UBFD1: variants seen among roughly 807,000 people sequenced by gnomAD.
UBFD1 encodes the protein ubiquitin family domain containing 1.
UBFD1 carries 12 observed loss-of-function variants against 35.1 expected under a neutral mutation model. The observed-to-expected ratio is 0.34, with a 90% CI of 0.22 to 0.55. UBFD1 has a LOEUF of 0.55. Among genes scored for constraint, UBFD1 ranks in the 20% least tolerant of loss-of-function variants. The probability of loss-of-function intolerance (pLI) is 0.89; values close to 1 mark genes in which losing one functional copy is unlikely to be tolerated. For missense variants in UBFD1, 337 were observed against 410.8 expected (o/e 0.82, Z 1.55); for synonymous variants, 178 against 167.6 (o/e 1.06, Z -0.48).
intron 4 of UBFD1, 44 bp downstream of exon 4, chr16:23,562,315 C>G (rs1408819814): frequency 1.3e-6 from 2 of 1,580,494 alleles, no homozygotes; most frequent in Non-Finnish European, 1.7e-6. Context: ...TGAGGCAGCC[C>G]CACCGTCTGA....
Position 23,572,284 on chromosome 16 carries a change from T to A in UBFD1, c.*1694T>A, listed in dbSNP as rs1297753037. ...TGCAGCATCCAAGAAACAGCCTGTT[T>A]TTTCATCCCTTGAGAAAGGAGCAGT... On this transcript the variant is annotated 3_prime_UTR_variant, in exon 7 of 7. Transcript: ENST00000395878. 1 of 152,402 alleles carries A rather than the reference T, an allele frequency of 6.6e-6. No homozygotes were observed. Among genetic ancestry groups the A allele is most frequent in the Non-Finnish European group, 1.5e-5 (1 of 68,036 alleles). The allele number at this position is 152,402 out of a possible 1,614,324, so 9.4% of individuals were successfully genotyped here. A position where few individuals can be genotyped will look rare whatever the true frequency, so the allele number is the denominator to read the frequency against.
chr16:23,559,282 AC>A, intron 2 of UBFD1, 185 bp from the exon 3 acceptor site: 1 of 563,426 alleles, frequency 1.8e-6, no homozygotes. Flanking sequence ...AGAAGGACTT[AC>A]TCTAATAAAT....
intron 3 of UBFD1, chr16:23,560,016 TG>T: frequency 3.8e-6 from 3 of 783,444 alleles, no homozygotes; most frequent in Non-Finnish European, 5.7e-6. Flanking sequence ...GCCCTCATTT[TG>T]TACAAGTGCT....
intron 6 of UBFD1, among the ~76,000 whole-genome samples, chr16:23,568,191 C>T (rs1022136065): frequency 8.7e-5 from 12 of 138,110 alleles, no homozygotes; most frequent in African/African-American, 2.5e-4. Context: ...GACGGAATCT[C>T]GCTCTGTCAC....
chr16:23,572,777 C>T lies in UBFD1; in HGVS notation c.*2187C>T, dbSNP rs1209214313. On this transcript the variant is annotated 3_prime_UTR_variant, in exon 7 of 7. Transcript: ENST00000395878. ...TAAAATGGTGCTTTTTTCCTTACTT[C>T]GAGATACTATATATAAATAATAATG... 3.3e-5 allele frequency: 5 copies of T among 153,028 alleles called. No homozygotes were observed. The highest frequency in any genetic ancestry group is 2.1e-4 in the South Asian group (1 of 4,826). The allele number at this position is 153,028 out of a possible 1,614,324, so 9.5% of individuals were successfully genotyped here. A position where few individuals can be genotyped will look rare whatever the true frequency, so the allele number is the denominator to read the frequency against.
intron 3 of UBFD1, chr16:23,561,969 C>T (rs1965941375): frequency 1.5e-5 from 6 of 408,660 alleles, no homozygotes; most frequent in Non-Finnish European, 2.6e-5. Context: ...AGCTGCATTT[C>T]AAGTGTGTAA....
rs1259432178 is a variant in UBFD1 at position 23,572,220 on chromosome 16, C to T, written c.*1630C>T. 6.6e-6 allele frequency: 1 copy of T among 152,640 alleles called. No homozygotes were observed. Among genetic ancestry groups the T allele is most frequent in the Non-Finnish European group, 1.5e-5 (1 of 68,042 alleles). 9.5% of individuals were successfully genotyped at this position (152,640 alleles called of 1,614,324 possible). A position where few individuals can be genotyped will look rare whatever the true frequency, so the allele number is the denominator to read the frequency against. On this transcript the variant is annotated 3_prime_UTR_variant, in exon 7 of 7. Coordinates refer to ENST00000395878, the MANE Select transcript of UBFD1 (RefSeq NM_019116.3). ...TGATGCATCTAGGCAGGAAAATCTA[C>T]TCTTTGCTTTTTTGGGGGCAATTAG...
intron 6 of UBFD1, among the ~76,000 whole-genome samples, 200 bp downstream of exon 6, chr16:23,567,269 C>T (rs961525804): frequency 6.6e-6 from 1 of 152,160 alleles, no homozygotes. Context: ...TTACACCCCC[C>T]CACACACACC....
chr16:23,557,804 C>T, intron 1 of UBFD1, 37 bp downstream of exon 1: 3 of 1,276,468 alleles, frequency 2.4e-6, no homozygotes, highest in African/African-American at 1.6e-5. Context: ...CGGGCCGGGG[C>T]TGAGGTTGCG....
chr16:23,571,301 G>A lies in UBFD1; in HGVS notation c.*711G>A, dbSNP rs141995378. On this transcript the variant is annotated 3_prime_UTR_variant, in exon 7 of 7. Coordinates refer to ENST00000395878, the MANE Select transcript of UBFD1 (RefSeq NM_019116.3). ...GGAAGAGCTGCTCAGTCTTGGGCAA[G>A]GAGCTCTCACACTTGCTGTGGTGTT... The A allele has an allele frequency of 2.0e-5, 3 of 152,792 alleles. No homozygotes were observed. The East Asian group carries it at 5.8e-4, about 29-fold the overall frequency. 9.5% of individuals were successfully genotyped at this position (152,792 alleles called of 1,614,324 possible). A position where few individuals can be genotyped will look rare whatever the true frequency, so the allele number is the denominator to read the frequency against.
rs770862634 is a variant in UBFD1, at chr16:23,559,407, G to T, written c.356-61G>T. The T allele has an allele frequency of 6.2e-6, 9 of 1,458,524 alleles. No homozygotes were observed. In the African/African-American group the frequency reaches 8.4e-5, roughly 14 times the overall value. 90.3% of individuals were successfully genotyped at this position (1,458,524 alleles called of 1,614,324 possible). A position where few individuals can be genotyped will look rare whatever the true frequency, so the allele number is the denominator to read the frequency against. ...TGGTCTGTTACCAAAGAGCTGTGTA[G>T]TATCCATACATTTTTCTGTCCTTCC... On this transcript the variant is annotated intron_variant, in intron 2 of 6. Transcript: ENST00000395878.
intron 6 of UBFD1, among the ~76,000 whole-genome samples, chr16:23,568,159 T>C (rs946427420): frequency 6.9e-6 from 1 of 144,668 alleles, no homozygotes; most frequent in East Asian, 2.0e-4. Context: ...TCTGTAGTCT[T>C]TTTTTTTTTT....
chr16:23,565,714 C>T (rs963954454), intron 5 of UBFD1: 2 of 152,168 alleles, frequency 1.3e-5, no homozygotes, highest in Admixed American at 1.3e-4. Flanking sequence ...CCCAGCTAGA[C>T]CAGAACGCTG....
At chr16:23,562,952 G>A (rs1222063076) in intron 5 of UBFD1, among the ~76,000 whole-genome samples, 1 of 152,218 alleles carries the variant, frequency 6.6e-6, no homozygotes, top group Non-Finnish European at 1.5e-5. Context: ...ACCAAACAGT[G>A]GCTCTTCAGT....
rs757325826 is a variant in UBFD1, at chr16:23,558,108, C to G, written c.184C>G (p.Pro62Ala). ...CCTGCAGCCGGCCCCGGCCCAGCCCCCTGGGGACCCCGCAGCCCAGGCCTC... is the reference window on the plus strand; with the variant it reads ...CCTGCAGCCGGCCCCGGCCCAGCCCGCTGGGGACCCCGCAGCCCAGGCCTC... ...GSLQPAPAQP[P>A]GDPAAQASVS... is the part of the protein sequence containing the mutation. Residue 62 changes from proline (P) to alanine (A), a missense_variant, in exon 2 of 7, where the codon CCT (proline) becomes GCT (alanine). Physicochemically the swap from Pro to Ala is conservative, Grantham distance 27. Coordinates refer to ENST00000395878, the MANE Select transcript of UBFD1 (RefSeq NM_019116.3). 9.5e-6 allele frequency: 15 copies of G among 1,577,116 alleles called. No individual in the cohort carries two copies. Among genetic ancestry groups the G allele is most frequent in the Non-Finnish European group, 1.2e-5 (14 of 1,164,722 alleles).
intron 6 of UBFD1, chr16:23,568,794 C>T (rs1388055560): frequency 6.6e-6 from 1 of 152,088 alleles, no homozygotes; most frequent in East Asian, 2.0e-4. Context: ...TGCCACTACA[C>T]TCCAGCCTAG....
At chr16:23,559,752 C>T in intron 3 of UBFD1, 76 bp downstream of exon 3, 1 of 1,589,556 alleles carries the variant, frequency 6.3e-7, no homozygotes, top group African/African-American at 1.3e-5. Context: ...GTTATATTCT[C>T]CCTAGAATAA....
At chr16:23,563,635 C>T (rs979690217) in intron 5 of UBFD1, among the ~76,000 whole-genome samples, 10 of 152,322 alleles carry the variant, frequency 6.6e-5, no homozygotes, top group African/African-American at 2.4e-4. Context: ...CCTGGGTACC[C>T]GTGCTCAAGG....
intron 3 of UBFD1, chr16:23,561,702 G>C (rs1008564189): frequency 6.6e-6 from 1 of 152,346 alleles, no homozygotes; most frequent in Admixed American, 6.5e-5. Flanking sequence ...CGGATTACCA[G>C]CATCTTATAG....
Sources: gnomAD v4.1 joint callset for allele counts (sites outside exome capture counted in the v4.1 genomes callset) on GRCh38, gnomAD v4.1.1 for gene constraint, MANE v1.5 for transcripts, NCBI Gene and HGNC (gene_info 2026-07-23, HGNC 2026-07-21) for gene names.